SGK1: variants seen among roughly 807,000 people sequenced by gnomAD.
SGK1 encodes serum/glucocorticoid regulated kinase 1.
A neutral mutation model predicts 64.2 loss-of-function variants in SGK1; 26 were observed. The observed-to-expected ratio is 0.40, with a 90% CI of 0.30 to 0.56. The LOEUF is 0.56. SGK1 is among the 20% of genes least tolerant of loss of function. The probability of loss-of-function intolerance (pLI) is 0.38; values close to 1 mark genes in which losing one functional copy is unlikely to be tolerated. For synonymous variants in SGK1, 265 were observed against 239.7 expected (o/e 1.11, Z -0.98); for missense variants, 519 against 645.6 (o/e 0.80, Z 2.12).
At chr6:134,226,415 C>A (rs114874334) in intron 2 of SGK1, among the ~76,000 whole-genome samples, 1,916 of 151,190 alleles carry the variant, frequency 0.013, 45 homozygotes, top group African/African-American at 0.044. Context: ...TAAATAGAGA[C>A]GGGGCCGAGT....
intron 3 of SGK1, among the ~76,000 whole-genome samples, chr6:134,177,207 C>T (rs1775255406): frequency 6.6e-6 from 1 of 150,624 alleles, no homozygotes; most frequent in Admixed American, 6.6e-5. Context: ...AGCGAGACTC[C>T]GTCTCAAAAC....
chr6:134,170,641 A>T (rs1329168007), intron 13 of SGK1, 185 bp downstream of exon 13: 5 of 674,474 alleles, frequency 7.4e-6, no homozygotes, highest in Non-Finnish European at 1.3e-5. Context: ...CGAATTGATA[A>T]ATGTGTCTAA....
chr6:134,251,306 G>A (rs1292484693), intron 2 of SGK1, among the ~76,000 whole-genome samples: 1 of 152,092 alleles, frequency 6.6e-6, no homozygotes, highest in Non-Finnish European at 1.5e-5. Flanking sequence ...ATTTTTAGTA[G>A]TTCATACAAA....
chr6:134,206,997 G>T (rs373898477), intron 3 of SGK1, among the ~76,000 whole-genome samples: 1 of 152,098 alleles, frequency 6.6e-6, no homozygotes, highest in Non-Finnish European at 1.5e-5. Flanking sequence ...AGGCCGAGGC[G>T]GGCGAATCAC....
intron 2 of SGK1, chr6:134,214,921 T>G (rs1775952816): frequency 2.7e-6 from 1 of 368,318 alleles, no homozygotes; most frequent in African/African-American, 2.1e-5. Context: ...AGTATTGGGT[T>G]AGGTAAGTGG....
rs747000339 is a variant in SGK1 at position 134,173,524 on chromosome 6, G to A, written c.556C>T (p.Pro186Ser). 7 of 1,612,680 alleles carry A rather than the reference G, an allele frequency of 4.3e-6. No individual in the cohort carries two copies. Among genetic ancestry groups the A allele is most frequent in the Non-Finnish European group, 5.1e-6 (6 of 1,179,648 alleles). The stretch of plus-strand genomic sequence containing the variant: ...TGAAAGTCAGATGGTTTAGCATGAG[G>A]ATTGGACGACGGGCCAAGGTTGATT... ...QQINLGPSSNPHAKPSDFHFL... is the reference protein window; with the variant it reads ...QQINLGPSSNSHAKPSDFHFL... The change falls in exon 6 of 14, where the codon CCT (proline) becomes TCT (serine). Residue 186 changes from proline to serine, a missense_variant. By Grantham distance (74) the Pro-to-Ser change is moderately conservative (BLOSUM62 -1). Transcript: ENST00000367858.
chr6:134,293,885 A>G (rs553102338), intron 1 of SGK1, among the ~76,000 whole-genome samples: 8 of 152,332 alleles, frequency 5.3e-5, no homozygotes, highest in African/African-American at 1.9e-4. Flanking sequence ...TAACAATTTG[A>G]CATCCCATTA....
At chr6:134,244,376 G>A (rs536403346) in intron 2 of SGK1, among the ~76,000 whole-genome samples, 10 of 152,252 alleles carry the variant, frequency 6.6e-5, no homozygotes, top group Admixed American at 2.6e-4. Flanking sequence ...AACATTGATG[G>A]GCATTTGGGT....
chr6:134,268,082 G>A (rs1348917060), intron 1 of SGK1, among the ~76,000 whole-genome samples: 1 of 152,222 alleles, frequency 6.6e-6, no homozygotes, highest in East Asian at 1.9e-4. Flanking sequence ...ATGCACAGGA[G>A]TTAGGCAAGG....
intron 2 of SGK1, among the ~76,000 whole-genome samples, chr6:134,226,246 A>G (rs898710794): frequency 6.6e-6 from 1 of 152,230 alleles, no homozygotes; most frequent in Admixed American, 6.5e-5. Context: ...CCAAAACATC[A>G]GAAAGTAAGC....
At chr6:134,188,116 T>C (rs1114707) in intron 3 of SGK1, among the ~76,000 whole-genome samples, 99,963 of 151,456 alleles carry the variant, frequency 0.66, 33,234 homozygotes, top group African/African-American at 0.71. Flanking sequence ...AAGGGGCTGT[T>C]TGGTATCCAC....
At position 134,262,003 on chromosome 6, in the gene SGK1, T is replaced by G. The variant is rs202037555; in HGVS notation, c.215A>C (p.His72Pro). The stretch of plus-strand genomic sequence containing the variant: ...AGGGAGAACCCCTCTTTGGAAAGCA[T>G]GTTCACCCAGGCATGTTTGACACAA... Reference protein sequence around the residue: ...SSLCQTCLGEHAFQRGVLPQE... With the variant: ...SSLCQTCLGEPAFQRGVLPQE... The change falls in exon 2 of 14, where the codon CAT becomes CCT. Residue 72 changes from histidine to proline, a missense_variant. Transcript: ENST00000367858. 1 of 1,613,946 alleles carries G rather than the reference T, an allele frequency of 6.2e-7. No homozygotes were observed. Among genetic ancestry groups the G allele is most frequent in the African/African-American group, 1.3e-5 (1 of 75,048 alleles).
At chr6:134,297,212 A>C (rs562765238) in intron 1 of SGK1, 5 of 899,056 alleles carry the variant, frequency 5.6e-6, no homozygotes, top group Non-Finnish European at 9.0e-6. Context: ...TCTGTATCCC[A>C]GACTCCAGCC....
At chr6:134,294,687 AC>A (rs34520949) in intron 1 of SGK1, among the ~76,000 whole-genome samples, 1 of 151,334 alleles carries the variant, frequency 6.6e-6, no homozygotes, top group African/African-American at 2.4e-5. Context: ...GATGTGCACC[AC>A]CCCCCCAACC....
rs754245555 is a variant in SGK1 at position 134,262,042 on chromosome 6, T to C, written c.176A>G (p.Asp59Gly). 18 of 1,613,846 alleles carry C rather than the reference T, an allele frequency of 1.1e-5. No homozygotes were observed. In the South Asian group the frequency reaches 1.3e-4, roughly 12 times the overall value. ...TGTTTGACACAAGGAAGACTCGAAG[T>C]CTGGCTCCCCTGGAGGGATGTGCAC... ...SMVHIPPGEP[D>G]FESSLCQTCL... is the part of the protein sequence containing the mutation. Residue 59 changes from aspartate (D) to glycine (G), a missense_variant, in exon 2 of 14, where the codon GAC becomes GGC. By Grantham distance (94) the Asp-to-Gly change is moderately conservative. Around this residue, in one of 2 missense-constraint regions of SGK1, gnomAD observed 241 missense variants for 236.9 expected, o/e 1.02. Coordinates refer to ENST00000367858, the MANE Select transcript of SGK1 (RefSeq NM_001143676.3).
intron 3 of SGK1, among the ~76,000 whole-genome samples, chr6:134,195,171 C>T (rs1775577679): frequency 6.6e-6 from 1 of 152,014 alleles, no homozygotes; most frequent in Non-Finnish European, 1.5e-5. Flanking sequence ...ATAAAATAAG[C>T]ACATGAAAAT....
Position 134,177,935 on chromosome 6 carries a change from A to G in SGK1, c.362-3349T>C, listed in dbSNP as rs1225505386. 3 of 1,061,584 alleles carry G rather than the reference A, an allele frequency of 2.8e-6. No individual in the cohort carries two copies. The African/African-American group carries it at 4.8e-5, about 17-fold the overall frequency. The allele number at this position is 1,061,584 out of a possible 1,614,324, so 65.8% of individuals were successfully genotyped here. ...TGCAAAGTTCAACACTGGGCCATTT[A>G]TTCTCCCCATTGCGACATCACTCAG... On this transcript the variant is annotated intron_variant, in intron 3 of 13. Transcript: ENST00000367858.
chr6:134,245,041 G>A (rs1050590620), intron 2 of SGK1, among the ~76,000 whole-genome samples: 1 of 152,228 alleles, frequency 6.6e-6, no homozygotes, highest in Non-Finnish European at 1.5e-5. Flanking sequence ...CTCCCAAAGT[G>A]CTGGGATTAC....
intron 2 of SGK1, among the ~76,000 whole-genome samples, chr6:134,245,545 C>T (rs868286983): frequency 2.6e-4 from 40 of 152,282 alleles, no homozygotes; most frequent in African/African-American, 9.4e-4. Flanking sequence ...ACTTTTCCTG[C>T]TAGTTTAGCT....
Sources: gnomAD v4.1 joint callset for allele counts (sites outside exome capture counted in the v4.1 genomes callset) on GRCh38, gnomAD v4.1.1 for gene constraint, gnomAD v4.1.1 regional missense constraint, MANE v1.5 for transcripts, NCBI Gene and HGNC (gene_info 2026-07-23, HGNC 2026-07-21) for gene names.